FGF13: variants seen among roughly 807,000 people sequenced by gnomAD.
FGF13 encodes fibroblast growth factor homologous factor 2.
FGF13 carries 2 observed loss-of-function variants against 19.5 expected under a neutral mutation model. The observed-to-expected ratio is 0.10, with a 90% CI of 0.04 to 0.32. FGF13 has a LOEUF of 0.32. FGF13 is among the 10% of genes least tolerant of loss of function. FGF13 has a pLI of 1.00. For missense variants in FGF13, 113 were observed against 192.7 expected, an observed-to-expected ratio of 0.59 and a Z score of 2.45; for synonymous variants, 72 against 76.9, an observed-to-expected ratio of 0.94 and a Z score of 0.33.
chrX:138,693,979 A>G (rs2089864931), intron 3 of FGF13, among the ~76,000 whole-genome samples: 1 of 112,133 alleles, frequency 8.9e-6, no homozygotes, highest in Admixed American at 9.5e-5. Flanking sequence ...ACTTGCTGAT[A>G]TACCATCTAA....
chrX:139,142,572 G>A lies in FGF13; in HGVS notation c.-113+60844C>T, dbSNP rs147272396. On this transcript the variant is annotated intron_variant, in intron 1 of 2. Transcript: ENST00000421460. ...TTTCTGGGTACAATGTAATGGTTAAGAAAGGCCACCAGCCTGCCTGAATTC... is the reference window on the plus strand; with the variant it reads ...TTTCTGGGTACAATGTAATGGTTAAAAAAGGCCACCAGCCTGCCTGAATTC... 4.1e-4 allele frequency among the ~76,000 whole-genome samples: 46 copies of A among 111,663 alleles called. No individual in the cohort carries two copies. The East Asian group carries it at 0.011, about 27-fold the overall frequency.
At chrX:138,933,689 T>C (rs1277577870) in intron 1 of FGF13, among the ~76,000 whole-genome samples, 2 of 96,139 alleles carry the variant, frequency 2.1e-5, no homozygotes, top group African/African-American at 6.6e-5. Context: ...TTTATGCGAA[T>C]TGGTCTTTAT....
intron 3 of FGF13, among the ~76,000 whole-genome samples, chrX:138,673,672 T>A (rs1178554609): frequency 1.8e-5 from 2 of 111,365 alleles, no homozygotes; most frequent in Non-Finnish European, 3.8e-5. Context: ...TCAAATGGGA[T>A]AAATAACAGT....
chrX:139,054,811 T>C (rs1603164159), intron 1 of FGF13, among the ~76,000 whole-genome samples: 1 of 111,338 alleles, frequency 9.0e-6, no homozygotes, highest in Non-Finnish European at 1.9e-5. Flanking sequence ...TCTTCCTTTG[T>C]AGTTTTCCTT....
At chrX:139,108,021 G>A (rs2083572207) in intron 1 of FGF13, among the ~76,000 whole-genome samples, 1 of 111,413 alleles carries the variant, frequency 9.0e-6, no homozygotes. Flanking sequence ...GACCAAATGA[G>A]ATGATGGAAG....
chrX:138,876,498 C>T (rs1013943143), intron 1 of FGF13, among the ~76,000 whole-genome samples: 2 of 112,171 alleles, frequency 1.8e-5, no homozygotes, highest in Admixed American at 9.5e-5. Flanking sequence ...AGCAGGCCTA[C>T]GAGGGGGCCA....
At chrX:138,661,477 C>T (rs2089490465) in intron 3 of FGF13, among the ~76,000 whole-genome samples, 1 of 111,760 alleles carries the variant, frequency 8.9e-6, no homozygotes, top group African/African-American at 3.3e-5. Flanking sequence ...TGAATGAAAA[C>T]ATTTCACTGT....
At chrX:139,063,118 A>C (rs192605833) in intron 1 of FGF13, among the ~76,000 whole-genome samples, 1 of 112,062 alleles carries the variant, frequency 8.9e-6, no homozygotes, top group Admixed American at 9.4e-5. Flanking sequence ...TGCAGAAACA[A>C]CTTAAAACCT....
intron 3 of FGF13, among the ~76,000 whole-genome samples, chrX:138,776,347 A>G (rs1196595605): frequency 8.9e-6 from 1 of 112,607 alleles, no homozygotes; most frequent in East Asian, 2.8e-4. Flanking sequence ...ATCTTATTTA[A>G]TATCTCGTAA....
chrX:139,177,304 C>A (rs770588846), intron 1 of FGF13, among the ~76,000 whole-genome samples: 1 of 91,816 alleles, frequency 1.1e-5, no homozygotes, highest in Non-Finnish European at 2.0e-5. Flanking sequence ...TCACTTTGAG[C>A]CTCTGTGTGT....
intron 1 of FGF13, among the ~76,000 whole-genome samples, chrX:139,135,224 T>A (rs1235228947): frequency 8.9e-6 from 1 of 111,930 alleles, no homozygotes; most frequent in African/African-American, 3.2e-5. Flanking sequence ...ATTTGCAATG[T>A]CTTGTAGGTA....
At chrX:138,656,414 C>T (rs12006775) in intron 3 of FGF13, among the ~76,000 whole-genome samples, 122 of 110,705 alleles carry the variant, frequency 1.1e-3, no homozygotes, top group African/African-American at 3.4e-3. Flanking sequence ...ATGTAAATCC[C>T]GTAGGTGTTA....
upstream of FGF13, chrX:139,204,276 G>A: frequency 2.1e-6 from 1 of 466,693 alleles, no homozygotes; most frequent in Admixed American, 3.4e-5. Flanking sequence ...CGCTGCCTAC[G>A]AGAGAGTGGG....
chrX:139,068,261 G>C (rs1195159714), intron 1 of FGF13, among the ~76,000 whole-genome samples: 3 of 99,189 alleles, frequency 3.0e-5, no homozygotes, highest in Non-Finnish European at 5.9e-5. Context: ...CCCGTTGCTT[G>C]TTTTTCTCAG....
chrX:138,719,316 A>G (rs1602743721), intron 1 of FGF13, among the ~76,000 whole-genome samples: 1 of 112,372 alleles, frequency 8.9e-6, no homozygotes, highest in African/African-American at 3.2e-5. Context: ...CCTAGTTATA[A>G]GCACAGTTCA....
chrX:139,063,609 T>A (rs1260486080), intron 1 of FGF13, among the ~76,000 whole-genome samples: 1 of 111,330 alleles, frequency 9.0e-6, no homozygotes, highest in Non-Finnish European at 1.9e-5. Context: ...ATTTATAGAG[T>A]GTTTTATGTA....
At chrX:139,089,084 T>C (rs1010082010) in intron 1 of FGF13, among the ~76,000 whole-genome samples, 2 of 112,240 alleles carry the variant, frequency 1.8e-5, no homozygotes, top group Non-Finnish European at 3.8e-5. Context: ...TATTTTGTTA[T>C]AGCAGCCCAA....
At chrX:139,064,308 TTTTTTGAGACGGAG>T (rs2092347422) in intron 1 of FGF13, among the ~76,000 whole-genome samples, 1 of 58,633 alleles carries the variant, frequency 1.7e-5, no homozygotes. Context: ...TTTTTTTTTT[TTTTTTGAGACGGAG>T]TCTCGCTCTG....
intron 1 of FGF13, among the ~76,000 whole-genome samples, chrX:139,099,886 C>T (rs951922828): frequency 9.0e-6 from 1 of 110,728 alleles, no homozygotes; most frequent in Non-Finnish European, 1.9e-5. Context: ...ATAAAAATGG[C>T]GATTTATTTT....
Sources: allele counts gnomAD v4.1 joint callset (sites outside exome capture counted in the v4.1 genomes callset), GRCh38; gene constraint gnomAD v4.1.1; transcripts MANE v1.5; gene names NCBI Gene and HGNC (gene_info 2026-07-23, HGNC 2026-07-21).